The following SDK1 variants were observed in gnomAD, a reference collection of about 807,000 sequenced individuals.
SDK1 encodes sidekick cell adhesion molecule 1, also known as protein sidekick-1.
SDK1 carries 157 observed loss-of-function variants against 245.5 expected under a neutral mutation model. The observed-to-expected ratio is 0.64, with a 90% CI of 0.56 to 0.73. The LOEUF is 0.73. Among genes scored for constraint, SDK1 ranks in the 30% least tolerant of loss-of-function variants. The probability of loss-of-function intolerance (pLI) is 0.00; values close to 1 mark genes in which losing one functional copy is unlikely to be tolerated. For missense variants in SDK1, 3,583 were observed against 3,002.3 expected (o/e 1.19, Z -4.52); for synonymous variants, 1,647 against 1,278.5 (o/e 1.29, Z -6.15).
chr7:4,119,064 G>C (rs112769424), intron 25 of SDK1, among the ~76,000 whole-genome samples: 1 of 148,124 alleles, frequency 6.8e-6, no homozygotes, highest in Non-Finnish European at 1.5e-5. Context: ...CAATTTAGGG[G>C]AATTGTATGA....
intron 5 of SDK1, among the ~76,000 whole-genome samples, chr7:3,826,577 T>C (rs149407255): frequency 6.6e-6 from 1 of 152,206 alleles, no homozygotes; most frequent in South Asian, 2.1e-4. Context: ...TTGTCCACTT[T>C]GTGAGAGTTA....
chr7:4,192,975 G>A (rs368110614), intron 35 of SDK1, among the ~76,000 whole-genome samples: 53 of 142,764 alleles, frequency 3.7e-4, no homozygotes, highest in African/African-American at 1.3e-3. Flanking sequence ...TTCTCTAGAG[G>A]GACAGAACCA....
intron 40 of SDK1, among the ~76,000 whole-genome samples, chr7:4,226,762 C>T (rs1340295102): frequency 6.6e-6 from 1 of 152,172 alleles, no homozygotes; most frequent in African/African-American, 2.4e-5. Flanking sequence ...TGCAGATGAT[C>T]TATTTACACA....
At chr7:3,523,558 C>T (rs559852936) in intron 1 of SDK1, among the ~76,000 whole-genome samples, 10 of 152,200 alleles carry the variant, frequency 6.6e-5, no homozygotes, top group South Asian at 2.1e-4. Context: ...CTCCTGTAGA[C>T]GGTCTTTTTC....
At chr7:3,863,262 C>G (rs536360639) in intron 5 of SDK1, among the ~76,000 whole-genome samples, 2 of 152,116 alleles carry the variant, frequency 1.3e-5, no homozygotes, top group Non-Finnish European at 2.9e-5. Context: ...GGTTCCTTAC[C>G]TCTCCCACCA....
chr7:3,571,215 A>G (rs1375944835), intron 1 of SDK1, among the ~76,000 whole-genome samples: 1 of 152,050 alleles, frequency 6.6e-6, no homozygotes, highest in Non-Finnish European at 1.5e-5. Flanking sequence ...TATCCTAGCT[A>G]TTTGATATTA....
intron 1 of SDK1, among the ~76,000 whole-genome samples, chr7:3,482,963 T>A (rs902256704): frequency 6.6e-6 from 1 of 151,620 alleles, no homozygotes; most frequent in Non-Finnish European, 1.5e-5. Flanking sequence ...CAAGTCTTTT[T>A]AATTCTCTCC....
intron 22 of SDK1, among the ~76,000 whole-genome samples, chr7:4,109,620 T>A (rs1393981751): frequency 6.6e-6 from 1 of 152,190 alleles, no homozygotes; most frequent in Non-Finnish European, 1.5e-5. Flanking sequence ...CAGAGTTTGC[T>A]TGTGATGGGG....
chr7:3,639,176 A>G (rs940038346), intron 3 of SDK1, 66 bp downstream of exon 3: 3 of 846,688 alleles, frequency 3.5e-6, no homozygotes, highest in Non-Finnish European at 3.7e-6. Context: ...GTCAATCAGA[A>G]TCACTTTTCA....
intron 10 of SDK1, among the ~76,000 whole-genome samples, chr7:3,968,333 C>G (rs1055384630): frequency 3.3e-5 from 5 of 152,212 alleles, no homozygotes; most frequent in African/African-American, 9.6e-5. Context: ...CCATCCTGAA[C>G]AAGTCTGTGC....
chr7:3,438,483 T>C (rs1357018973), intron 1 of SDK1, among the ~76,000 whole-genome samples: 1 of 152,202 alleles, frequency 6.6e-6, no homozygotes, highest in Non-Finnish European at 1.5e-5. Flanking sequence ...ATCTGTGCTG[T>C]CTACACAGTG....
At chr7:3,720,534 C>A (rs1199330167) in intron 4 of SDK1, among the ~76,000 whole-genome samples, 1 of 152,166 alleles carries the variant, frequency 6.6e-6, no homozygotes, top group African/African-American at 2.4e-5. Flanking sequence ...GGAGATATCA[C>A]TACAAACCCA....
intron 5 of SDK1, among the ~76,000 whole-genome samples, chr7:3,899,841 C>G (rs528397158): frequency 3.3e-5 from 5 of 152,372 alleles, no homozygotes; most frequent in African/African-American, 1.2e-4. Flanking sequence ...CCACCCCAGG[C>G]ACACTGAGAA....
At chr7:4,115,400 G>A (rs991267616) in intron 25 of SDK1, among the ~76,000 whole-genome samples, 2 of 152,188 alleles carry the variant, frequency 1.3e-5, no homozygotes, top group Non-Finnish European at 2.9e-5. Context: ...TGGGTCAGTG[G>A]CCAGAGGAAA....
At chr7:3,983,834 C>G (rs566868074) in intron 13 of SDK1, among the ~76,000 whole-genome samples, 7 of 152,246 alleles carry the variant, frequency 4.6e-5, no homozygotes, top group African/African-American at 1.7e-4. Context: ...ACACTTTGCC[C>G]TGGGCCATCA....
Position 4,048,426 on chromosome 7 carries a change from C to T in SDK1, c.2603-922C>T, listed in dbSNP as rs995182825. On this transcript the variant is annotated intron_variant, in intron 17 of 44. Coordinates refer to ENST00000404826, the MANE Select transcript of SDK1 (RefSeq NM_152744.4). Reference sequence around the variant, plus strand: ...TATGTATGCGTCATCAGCCGTGCTGCTGGGCACGGTAGACAATCCCAGCGA... The same window carrying T: ...TATGTATGCGTCATCAGCCGTGCTGTTGGGCACGGTAGACAATCCCAGCGA... Among the ~76,000 whole-genome samples, 4 of 152,174 alleles carry T rather than the reference C, an allele frequency of 2.6e-5. 1 individual carries two copies.
At chr7:3,812,256 C>T (rs1280999779) in intron 4 of SDK1, among the ~76,000 whole-genome samples, 1 of 152,224 alleles carries the variant, frequency 6.6e-6, no homozygotes, top group African/African-American at 2.4e-5. Context: ...AATACAAATA[C>T]TTAGAGATTC....
At chr7:3,670,500 GTGTTCTCATCTC>G (rs796794453) in intron 4 of SDK1, among the ~76,000 whole-genome samples, 59 of 152,298 alleles carry the variant, frequency 3.9e-4, no homozygotes, top group African/African-American at 1.4e-3. Context: ...CTATGCATCA[GTGTTCTCATCTC>G]TGAAATGCAG....
intron 5 of SDK1, among the ~76,000 whole-genome samples, chr7:3,872,944 T>G (rs1235271437): frequency 6.6e-6 from 1 of 152,302 alleles, no homozygotes; most frequent in East Asian, 1.9e-4. Context: ...ACACCAGATA[T>G]TTTTACTATT....
Sources: gnomAD v4.1 joint callset for allele counts (sites outside exome capture counted in the v4.1 genomes callset) on GRCh38, gnomAD v4.1.1 for gene constraint, MANE v1.5 for transcripts, NCBI Gene and HGNC (gene_info 2026-07-23, HGNC 2026-07-21) for gene names.